Variants in AMBRA1 observed in about 807,000 individuals in gnomAD.
AMBRA1 encodes the protein activating molecule in BECN1-regulated autophagy protein 1.
A neutral mutation model predicts 125.4 loss-of-function variants in AMBRA1; 47 were observed. The observed-to-expected ratio is 0.37, with a 90% CI of 0.30 to 0.48. AMBRA1 has a LOEUF of 0.48. AMBRA1 is among the 20% of genes least tolerant of loss of function. The probability of loss-of-function intolerance (pLI) is 0.99; values close to 1 mark genes in which losing one functional copy is unlikely to be tolerated. For synonymous variants in AMBRA1, 626 were observed against 655.5 expected (o/e 0.95, Z 0.69); for missense variants, 1,331 against 1,693.4 (o/e 0.79, Z 3.76).
At chr11:46,474,071 C>A (rs1590898063) in intron 11 of AMBRA1, among the ~76,000 whole-genome samples, 1 of 151,802 alleles carries the variant, frequency 6.6e-6, no homozygotes, top group East Asian at 1.9e-4. Flanking sequence ...AATGAATACA[C>A]ACAAACTTGA....
chr11:46,410,151 A>C, intron 16 of AMBRA1, 125 bp downstream of exon 16: 1 of 792,508 alleles, frequency 1.3e-6, no homozygotes, highest in South Asian at 1.4e-5. Flanking sequence ...CAAAAGATCA[A>C]GGAGGTGCTG....
intron 17 of AMBRA1, among the ~76,000 whole-genome samples, chr11:46,404,807 C>T (rs1200245747): frequency 6.6e-6 from 1 of 152,216 alleles, no homozygotes; most frequent in Non-Finnish European, 1.5e-5. Flanking sequence ...CCCTCTGTCC[C>T]CATCCCCCCA....
intron 7 of AMBRA1, among the ~76,000 whole-genome samples, chr11:46,519,327 T>C (rs1951660115): frequency 6.6e-6 from 1 of 152,122 alleles, no homozygotes; most frequent in Non-Finnish European, 1.5e-5. Flanking sequence ...CCCGGCCCCT[T>C]CACTTCAAAT....
chr11:46,455,335 C>T (rs1397847224), intron 11 of AMBRA1, among the ~76,000 whole-genome samples: 1 of 152,136 alleles, frequency 6.6e-6, no homozygotes, highest in African/African-American at 2.4e-5. Context: ...TCCTCTTTCC[C>T]TCTCTCCCCA....
intron 1 of AMBRA1, among the ~76,000 whole-genome samples, chr11:46,555,272 C>T: frequency 6.6e-6 from 1 of 152,086 alleles, no homozygotes; most frequent in South Asian, 2.1e-4. Flanking sequence ...GAGAGTATGC[C>T]ACAACCCAGT....
At chr11:46,495,085 CACT>C (rs756357746) in intron 9 of AMBRA1, 1 of 152,168 alleles carries the variant, frequency 6.6e-6, no homozygotes, top group Non-Finnish European at 1.5e-5. Context: ...TAGATCTTTC[CACT>C]ACATTTCACT....
intron 17 of AMBRA1, among the ~76,000 whole-genome samples, chr11:46,403,479 T>TG (rs1041450986): frequency 6.6e-6 from 1 of 152,232 alleles, no homozygotes; most frequent in African/African-American, 2.4e-5. Flanking sequence ...GGCAGGGCCT[T>TG]GCCTCAGCTC....
chr11:46,499,931 C>T (rs1950772406), intron 9 of AMBRA1, among the ~76,000 whole-genome samples: 1 of 152,174 alleles, frequency 6.6e-6, no homozygotes, highest in Non-Finnish European at 1.5e-5. Context: ...GGATTACAGG[C>T]ATGAGCCACC....
intron 9 of AMBRA1, chr11:46,504,774 G>C (rs1343426446): frequency 6.6e-6 from 1 of 152,184 alleles, no homozygotes; most frequent in Non-Finnish European, 1.5e-5. Context: ...CAAGCTCTTG[G>C]AAAGGCTCAA....
intron 7 of AMBRA1, among the ~76,000 whole-genome samples, chr11:46,533,068 C>T (rs1287695398): frequency 6.6e-6 from 1 of 151,994 alleles, no homozygotes; most frequent in African/African-American, 2.4e-5. Context: ...GAGGCTGAGG[C>T]ACGAGAATCG....
chr11:46,529,850 GCAAAATTTGCTCACA>G (rs1227546392), intron 7 of AMBRA1, among the ~76,000 whole-genome samples: 1 of 152,136 alleles, frequency 6.6e-6, no homozygotes, highest in East Asian at 1.9e-4. Context: ...ACCCATGAAA[GCAAAATTTGCTCACA>G]CAAACATGTT....
At chr11:46,567,036 A>G (rs2135259559) in intron 1 of AMBRA1, among the ~76,000 whole-genome samples, 1 of 152,254 alleles carries the variant, frequency 6.6e-6, no homozygotes, top group East Asian at 1.9e-4. Flanking sequence ...TAAAATTAAA[A>G]TAAATAAAAA....
chr11:46,482,690 C>T (rs186196154), intron 11 of AMBRA1, among the ~76,000 whole-genome samples: 1 of 152,186 alleles, frequency 6.6e-6, no homozygotes, highest in Admixed American at 6.5e-5. Flanking sequence ...ATCTTTTTGG[C>T]TTCTACTTTA....
At chr11:46,428,981 T>A in intron 14 of AMBRA1, 1 of 1,612,394 alleles carries the variant, frequency 6.2e-7, no homozygotes, top group South Asian at 1.1e-5. Flanking sequence ...TTCCTTCACG[T>A]AGCCTCGGGA....
chr11:46,531,499 CAGG>C (rs1408128999), intron 7 of AMBRA1, among the ~76,000 whole-genome samples: 7 of 150,854 alleles, frequency 4.6e-5, no homozygotes, highest in African/African-American at 1.2e-4. Context: ...CATCTGAGGT[CAGG>C]AGTTCAAGAC....
At chr11:46,455,442 T>C (rs555117060) in intron 11 of AMBRA1, among the ~76,000 whole-genome samples, 1 of 152,216 alleles carries the variant, frequency 6.6e-6, no homozygotes, top group Non-Finnish European at 1.5e-5. Context: ...TTTAACATGC[T>C]TTGAAAGAGG....
intron 9 of AMBRA1, among the ~76,000 whole-genome samples, chr11:46,501,298 A>T (rs1360439482): frequency 6.6e-6 from 1 of 152,184 alleles, no homozygotes; most frequent in Non-Finnish European, 1.5e-5. Flanking sequence ...CATCCCAAAG[A>T]TGTGCACATT....
At chr11:46,478,715 C>T (rs1268551818) in intron 11 of AMBRA1, among the ~76,000 whole-genome samples, 13 of 118,058 alleles carry the variant, frequency 1.1e-4, no homozygotes, top group Non-Finnish European at 1.4e-4. Context: ...AGTGCAATGG[C>T]GCAATCTCGG....
At chr11:46,428,578 T>G in intron 14 of AMBRA1, 1 of 1,170,370 alleles carries the variant, frequency 8.5e-7, no homozygotes. Context: ...TTTCCACTTC[T>G]TCTTCTTCTT....
Sources: allele counts gnomAD v4.1 joint callset (sites outside exome capture counted in the v4.1 genomes callset), GRCh38; gene constraint gnomAD v4.1.1; transcripts MANE v1.5; gene names NCBI Gene and HGNC (gene_info 2026-07-23, HGNC 2026-07-21).